The following SPINT1 variants were observed in gnomAD, a reference collection of about 807,000 sequenced individuals.
SPINT1 encodes serine peptidase inhibitor, Kunitz type 1.
A neutral mutation model predicts 53.7 loss-of-function variants in SPINT1; 38 were observed. The observed-to-expected ratio is 0.71, with a 90% CI of 0.55 to 0.93. The LOEUF is 0.93. Among genes scored for constraint, SPINT1 ranks in the 40% least tolerant of loss-of-function variants. The probability of loss-of-function intolerance (pLI) is 0.00; values close to 1 mark genes in which losing one functional copy is unlikely to be tolerated. For synonymous variants in SPINT1, 283 were observed against 280.6 expected (o/e 1.01, Z -0.08); for missense variants, 645 against 692.9 (o/e 0.93, Z 0.78).
chr15:40,854,910 G>A lies in SPINT1; in HGVS notation c.1117+221G>A, dbSNP rs74011893. Reference sequence around the variant, plus strand: ...GTTTTCCAGGCATCACTCATTCTCCGAACACCTTCATAACTTCAGCCATGT... The same window carrying A: ...GTTTTCCAGGCATCACTCATTCTCCAAACACCTTCATAACTTCAGCCATGT... On this transcript the variant is annotated intron_variant, in intron 8 of 10. Coordinates refer to ENST00000562057, the MANE Select transcript of SPINT1 (RefSeq NM_003710.4). 8.1e-3 allele frequency among the ~76,000 whole-genome samples: 1,228 copies of A among 152,164 alleles called. 15 individuals are homozygous for A. Among genetic ancestry groups the A allele is most frequent in the African/African-American group, 0.028 (1,181 of 41,474 alleles).
chr15:40,854,234 C>G, intron 6 of SPINT1, 148 bp downstream of exon 6: 1 of 1,362,386 alleles, frequency 7.3e-7, no homozygotes, highest in Non-Finnish European at 9.9e-7. Context: ...CCTTCCAGCC[C>G]AGCATCGTCC....
At position 40,844,183 on chromosome 15, in the gene SPINT1, G is replaced by A. The variant is rs905615388; in HGVS notation, c.-69G>A. 4 of 411,022 alleles carry A rather than the reference G, an allele frequency of 9.7e-6. No individual in the cohort carries two copies. The highest frequency in any genetic ancestry group is 1.9e-5 in the Non-Finnish European group (4 of 214,168). The allele number at this position is 411,022 out of a possible 1,614,324, so 25.5% of individuals were successfully genotyped here. A position where few individuals can be genotyped will look rare whatever the true frequency, so the allele number is the denominator to read the frequency against. ...ACCCGGCCCCACCCAACTCACCTGC[G>A]CAGGTAACCCGGGCCCCCGCGCGCA... On this transcript the variant is annotated 5_prime_UTR_variant, in exon 1 of 11. Transcript: ENST00000562057. This position sits in a 1 kb window ranked among gnomAD's most constrained non-coding sequence, Gnocchi z 5.8.
In SPINT1 at chr15:40,855,928, A is replaced by G. The variant is rs1421288406; in HGVS notation, c.1154A>G (p.Lys385Arg). Residue 385 changes from lysine (K) to arginine (R), a missense_variant, in exon 9 of 11, where the codon AAG becomes AGG. Transcript: ENST00000562057. ...GACCTGCCAGACACAGGACTCTGCA[A>G]GGAGAGCATCCCGCGCTGGTACTAC... Reference protein sequence around the residue: ...CVDLPDTGLCKESIPRWYYNP... With the variant: ...CVDLPDTGLCRESIPRWYYNP... The G allele has an allele frequency of 7.4e-6, 12 of 1,614,088 alleles. No individual in the cohort carries two copies. The highest frequency in any genetic ancestry group is 1.0e-5 in the Non-Finnish European group (12 of 1,180,036).
chr15:40,845,159 T>C (rs760689009), intron 2 of SPINT1, 130 bp downstream of exon 2: 25 of 801,702 alleles, frequency 3.1e-5, no homozygotes, highest in Non-Finnish European at 4.3e-5. Context: ...TTCTTTCTTT[T>C]TTTTTGCGAC....
At chr15:40,851,004 A>C (rs1318386760) in intron 2 of SPINT1, among the ~76,000 whole-genome samples, 1 of 152,056 alleles carries the variant, frequency 6.6e-6, no homozygotes, top group Non-Finnish European at 1.5e-5. Context: ...CTGTACTACC[A>C]GTTGTTTAAT....
At chr15:40,848,471 T>C (rs1030543622) in intron 2 of SPINT1, among the ~76,000 whole-genome samples, 1 of 152,188 alleles carries the variant, frequency 6.6e-6, no homozygotes, top group African/African-American at 2.4e-5. Flanking sequence ...TTAGTCCCCG[T>C]AGTATTGTTT....
intron 3 of SPINT1, 56 bp downstream of exon 3, chr15:40,853,307 C>A: frequency 1.2e-6 from 2 of 1,611,542 alleles, no homozygotes; most frequent in South Asian, 2.2e-5. Flanking sequence ...TTCTTGGAGC[C>A]CCTTTCTGGG....
chr15:40,844,869 G>T lies in SPINT1; in HGVS notation c.315G>T (p.Gln105His). 6.2e-7 allele frequency: 1 copy of T among 1,613,910 alleles called. No individual in the cohort carries two copies. Among genetic ancestry groups the T allele is most frequent in the Non-Finnish European group, 8.5e-7 (1 of 1,180,030 alleles). ...QNCNLALVEL[Q>H]PDRGEDAIAA... is the part of the protein sequence containing the mutation. ...GCAACTTGGCGCTAGTGGAGCTGCA[G>T]CCCGACCGCGGGGAGGACGCCATCG... Residue 105 changes from glutamine (Q) to histidine (H), a missense_variant, in exon 2 of 11, where the codon CAG (glutamine) becomes CAT (histidine). Transcript: ENST00000562057. The surrounding 1 kb of genome is among the most constrained non-coding windows in gnomAD (Gnocchi z 5.8).
intron 2 of SPINT1, 99 bp from the exon 3 acceptor site, chr15:40,853,025 C>T: frequency 6.7e-7 from 1 of 1,496,864 alleles, no homozygotes; most frequent in Non-Finnish European, 9.0e-7. Flanking sequence ...CCAGTTTGGT[C>T]TAGGTGGGGC....
At position 40,855,975 on chromosome 15, in the gene SPINT1, G is replaced by T. The variant is rs546841557; in HGVS notation, c.1201G>T (p.Ala401Ser). The change falls in exon 9 of 11, where the codon GCC becomes TCC. Residue 401 changes from alanine (A) to serine (S), a missense_variant. Ala to Ser is a moderately conservative substitution (Grantham distance 99). Coordinates refer to ENST00000562057, the MANE Select transcript of SPINT1 (RefSeq NM_003710.4). ...CTACAACCCCTTCAGCGAACACTGC[G>T]CCCGCTTTACCTATGGTGGTTGTTA... ...WYYNPFSEHCARFTYGGCYGN... is the reference protein window; with the variant it reads ...WYYNPFSEHCSRFTYGGCYGN... 5 of 1,614,086 alleles carry T rather than the reference G, an allele frequency of 3.1e-6. No individual in the cohort carries two copies. Among genetic ancestry groups the T allele is most frequent in the East Asian group, 2.2e-5 (1 of 44,884 alleles).
chr15:40,846,933 G>A (rs1165764114), intron 2 of SPINT1, among the ~76,000 whole-genome samples: 3 of 152,198 alleles, frequency 2.0e-5, no homozygotes, highest in Admixed American at 1.3e-4. Flanking sequence ...AGCAGAAAGT[G>A]TAGGTGGTGA....
At chr15:40,852,655 G>C (rs2142011517) in intron 2 of SPINT1, among the ~76,000 whole-genome samples, 1 of 151,696 alleles carries the variant, frequency 6.6e-6, no homozygotes, top group Admixed American at 6.6e-5. Context: ...GTGTGTGTGT[G>C]TGTGTGTTTA....
rs776582460 is a variant in SPINT1 at position 40,857,220 on chromosome 15, A to G, written c.*245A>G. On this transcript the variant is annotated 3_prime_UTR_variant, in exon 11 of 11. Coordinates refer to ENST00000562057, the MANE Select transcript of SPINT1 (RefSeq NM_003710.4). ...CCAGACTAGATGGACCTGCCTGCATAGGAGTTTGGAGGAAGTTGGAGTTTT... is the reference window on the plus strand; with the variant it reads ...CCAGACTAGATGGACCTGCCTGCATGGGAGTTTGGAGGAAGTTGGAGTTTT... 1.2e-5 allele frequency: 7 copies of G among 564,126 alleles called. No homozygotes were observed. Among genetic ancestry groups the G allele is most frequent in the Non-Finnish European group, 2.2e-5 (7 of 321,082 alleles). 34.9% of individuals were successfully genotyped at this position (564,126 alleles called of 1,614,324 possible).
At chr15:40,847,568 T>C (rs879854877) in intron 2 of SPINT1, among the ~76,000 whole-genome samples, 5 of 152,158 alleles carry the variant, frequency 3.3e-5, no homozygotes, top group Non-Finnish European at 7.4e-5. Flanking sequence ...CCCAGTCCTA[T>C]GAAGGAGTGG....
chr15:40,849,154 G>A (rs1891384034), intron 2 of SPINT1, among the ~76,000 whole-genome samples: 1 of 151,886 alleles, frequency 6.6e-6, no homozygotes, highest in Non-Finnish European at 1.5e-5. Context: ...GCTGAGGCAG[G>A]AGAATGGTGT....
chr15:40,856,255 T>G, intron 9 of SPINT1, 21 bp from the exon 10 acceptor site: 2 of 1,614,100 alleles, frequency 1.2e-6, no homozygotes, highest in Admixed American at 3.3e-5. Context: ...CTGACTGGTC[T>G]TTCCCCTCAT....
In SPINT1 at chr15:40,853,584, G is replaced by A. The variant is rs747321527; in HGVS notation, c.699G>A (p.Thr233=). 16 of 1,613,858 alleles carry A rather than the reference G, an allele frequency of 9.9e-6. No homozygotes were observed. The highest frequency in any genetic ancestry group is 2.7e-5 in the African/African-American group (2 of 74,892). Residue 233 remains threonine, a synonymous_variant, in exon 4 of 11, where the codon ACG becomes ACA. Coordinates refer to ENST00000562057, the MANE Select transcript of SPINT1 (RefSeq NM_003710.4). ...CTAGCTCAGACCACCCAGAGGACACGGCCAACGTCACAGTCACTGTGCTGT... is the reference window on the plus strand; with the variant it reads ...CTAGCTCAGACCACCCAGAGGACACAGCCAACGTCACAGTCACTGTGCTGT... The part of the protein sequence containing the change: ...TVTSSDHPED[T]ANVTVTVLST...
Position 40,856,819 on chromosome 15 carries a change from G to T in SPINT1, c.1386G>T (p.Val462=), listed in dbSNP as rs142948345. ...VAVFLVICIV[V]VVAILGYCFF... ...TGTTCCTGGTCATCTGCATTGTGGT[G>T]GTGGTAGCCATCTTGGGTTACTGCT... Residue 462 remains valine (V), a synonymous_variant, in exon 11 of 11, where the codon GTG becomes GTT. Coordinates refer to ENST00000562057, the MANE Select transcript of SPINT1 (RefSeq NM_003710.4). 4.3e-6 allele frequency: 7 copies of T among 1,614,154 alleles called. No homozygotes were observed. The highest frequency in any genetic ancestry group is 5.9e-6 in the Non-Finnish European group (7 of 1,180,024).
rs1428482013 is a variant in SPINT1, at chr15:40,844,378, G to A, written c.-65-112G>A. 14 of 733,248 alleles carry A rather than the reference G, an allele frequency of 1.9e-5. No homozygotes were observed. The Admixed American group carries it at 2.7e-4, about 14-fold the overall frequency. The allele number at this position is 733,248 out of a possible 1,614,324, so 45.4% of individuals were successfully genotyped here. On this transcript the variant is annotated intron_variant, in intron 1 of 10. Transcript: ENST00000562057. The surrounding 1 kb of genome is among the most constrained non-coding windows in gnomAD (Gnocchi z 5.8). ...GGGCCCGTGCGCCCTCTTCGATCCT[G>A]GGGTGCTCCGGTCCCTCCTCCCCGC... is the stretch of plus-strand genomic sequence containing the variant.
Sources: gnomAD v4.1 joint callset for allele counts (sites outside exome capture counted in the v4.1 genomes callset) on GRCh38, gnomAD v4.1.1 for gene constraint, Gnocchi (gnomAD v3.1) non-coding constraint, MANE v1.5 for transcripts, NCBI Gene and HGNC (gene_info 2026-07-23, HGNC 2026-07-21) for gene names.